Variants in ATRNL1 observed in about 807,000 individuals in gnomAD.
ATRNL1 encodes attractin-like protein 1.
A neutral mutation model predicts 182.7 loss-of-function variants in ATRNL1; 95 were observed. The observed-to-expected ratio is 0.52, with a 90% CI of 0.44 to 0.62. The LOEUF (loss-of-function observed/expected upper bound fraction) is 0.62, where lower values mean the gene tolerates loss of function less well. Ranked by LOEUF, ATRNL1 falls within the 20% of genes least tolerant of loss-of-function variation. ATRNL1 has a pLI of 0.00. For synonymous variants in ATRNL1, 576 were observed against 568.3 expected (o/e 1.01, Z -0.19); for missense variants, 1,471 against 1,679.5 (o/e 0.88, Z 2.17).
chr10:115,199,680 G>T (rs1478330380), intron 8 of ATRNL1, among the ~76,000 whole-genome samples: 1 of 152,150 alleles, frequency 6.6e-6, no homozygotes, highest in Admixed American at 6.6e-5. Context: ...GAATAGCAAC[G>T]GAGTTGTGGA....
chr10:115,559,414 T>TGTGTGTGTGTG (rs1853530217), intron 26 of ATRNL1, among the ~76,000 whole-genome samples: 1 of 147,560 alleles, frequency 6.8e-6, no homozygotes, highest in African/African-American at 2.5e-5. Flanking sequence ...TTCTTGGTGT[T>TGTGTGTGTGTG]TGTGTGTGTG....
chr10:115,434,560 AT>A (rs1197924460), intron 21 of ATRNL1, among the ~76,000 whole-genome samples: 2 of 152,348 alleles, frequency 1.3e-5, no homozygotes, highest in Middle Eastern at 3.4e-3. Context: ...TAAAAACATT[AT>A]GCTGAAGGAA....
At chr10:115,942,300 G>T (rs371363738) in intron 28 of ATRNL1, among the ~76,000 whole-genome samples, 31 of 152,254 alleles carry the variant, frequency 2.0e-4, no homozygotes, top group African/African-American at 7.5e-4. Flanking sequence ...TCTGCTGGCC[G>T]TACTTCCTGT....
intron 26 of ATRNL1, among the ~76,000 whole-genome samples, chr10:115,612,936 C>T (rs1857240737): frequency 6.6e-6 from 1 of 152,154 alleles, no homozygotes; most frequent in African/African-American, 2.4e-5. Context: ...GCTGATCAAC[C>T]ATCTCAAGCA....
chr10:115,131,774 AT>A (rs1554875249), intron 5 of ATRNL1, among the ~76,000 whole-genome samples: 1 of 152,012 alleles, frequency 6.6e-6, no homozygotes. Flanking sequence ...CCTCCATTAT[AT>A]TTTATCCTTT....
intron 26 of ATRNL1, among the ~76,000 whole-genome samples, chr10:115,687,864 G>C (rs7900516): frequency 2.6e-5 from 4 of 151,566 alleles, no homozygotes; most frequent in African/African-American, 9.7e-5. Flanking sequence ...ATATTATTGA[G>C]AAGTATAGTC....
At chr10:115,256,484 T>C (rs1451105155) in intron 10 of ATRNL1, among the ~76,000 whole-genome samples, 1 of 152,196 alleles carries the variant, frequency 6.6e-6, no homozygotes, top group Non-Finnish European at 1.5e-5. Flanking sequence ...TGTGGTGATA[T>C]CCCCTTTATC....
At chr10:115,730,253 C>CAAAAAAAA (rs535690432) in intron 27 of ATRNL1, among the ~76,000 whole-genome samples, 4 of 61,436 alleles carry the variant, frequency 6.5e-5, no homozygotes, top group Non-Finnish European at 8.5e-5. Flanking sequence ...TAGGACTCCT[C>CAAAAAAAA]AAAAAAAAAA....
chr10:115,284,195 C>A (rs180704788), intron 14 of ATRNL1, among the ~76,000 whole-genome samples: 2 of 152,164 alleles, frequency 1.3e-5, no homozygotes, highest in African/African-American at 4.8e-5. Flanking sequence ...ACTACAAAAG[C>A]CTGAAGTATA....
intron 28 of ATRNL1, among the ~76,000 whole-genome samples, chr10:115,919,774 TAGA>T (rs1423771313): frequency 6.6e-6 from 1 of 152,150 alleles, no homozygotes; most frequent in East Asian, 1.9e-4. Context: ...ATCAAGGTGC[TAGA>T]AGATTTGGTG....
At chr10:115,153,654 A>G (rs1293418128) in intron 5 of ATRNL1, among the ~76,000 whole-genome samples, 1 of 151,998 alleles carries the variant, frequency 6.6e-6, no homozygotes, top group Admixed American at 6.6e-5. Context: ...GATTTTTTCA[A>G]AAATCCAGCT....
intron 26 of ATRNL1, among the ~76,000 whole-genome samples, chr10:115,588,206 C>T (rs1855685033): frequency 6.6e-6 from 1 of 152,146 alleles, no homozygotes; most frequent in Non-Finnish European, 1.5e-5. Flanking sequence ...ACTGTCCTCC[C>T]TTCTCATCCC....
At chr10:115,719,123 TC>T (rs1947342653) in intron 26 of ATRNL1, among the ~76,000 whole-genome samples, 1 of 152,214 alleles carries the variant, frequency 6.6e-6, no homozygotes, top group Non-Finnish European at 1.5e-5. Context: ...ACAAAATTTT[TC>T]CTAGAATTTT....
chr10:115,175,528 T>A (rs1847467849), intron 8 of ATRNL1, among the ~76,000 whole-genome samples: 1 of 152,054 alleles, frequency 6.6e-6, no homozygotes, highest in South Asian at 2.1e-4. Context: ...TTGGCTTGAT[T>A]TTTGTCTTAC....
chr10:115,478,959 A>G (rs1848645523), intron 24 of ATRNL1, among the ~76,000 whole-genome samples: 1 of 151,526 alleles, frequency 6.6e-6, no homozygotes, highest in Non-Finnish European at 1.5e-5. Context: ...TCTGTAAAAC[A>G]TTTTTATGTG....
chr10:115,508,485 G>T (rs1346742754), intron 24 of ATRNL1, among the ~76,000 whole-genome samples: 3 of 152,006 alleles, frequency 2.0e-5, no homozygotes, highest in Admixed American at 1.3e-4. Flanking sequence ...TAGGCCTCTT[G>T]TCCGAAGAAT....
chr10:115,280,171 C>T (rs1852292965), intron 13 of ATRNL1, among the ~76,000 whole-genome samples: 1 of 152,138 alleles, frequency 6.6e-6, no homozygotes, highest in Non-Finnish European at 1.5e-5. Flanking sequence ...AACGAAGAAC[C>T]TGATGTGTGA....
rs782785005 is a variant in ATRNL1 at position 115,292,284 on chromosome 10, A to AT, written c.2415+5893dup. Reference sequence around the variant, plus strand: ...AGCAAATGGTTTATCAGTTTTCTTTATTTTTTGAACAAGACCAACATTTTG... The same window carrying AT: ...AGCAAATGGTTTATCAGTTTTCTTTATTTTTTTGAACAAGACCAACATTTTG... On this transcript the variant is annotated intron_variant, in intron 15 of 28. Transcript: ENST00000355044. 1.8e-4 allele frequency among the ~76,000 whole-genome samples: 28 copies of AT among 151,490 alleles called. 1 individual carries two copies. Among genetic ancestry groups the AT allele is most frequent in the Admixed American group, 8.5e-4 (13 of 15,230 alleles).
intron 19 of ATRNL1, among the ~76,000 whole-genome samples, chr10:115,371,440 A>G (rs1388258782): frequency 6.6e-6 from 1 of 152,256 alleles, no homozygotes; most frequent in African/African-American, 2.4e-5. Context: ...GAGCTGCTCA[A>G]GACCATGGGA....
Sources: gnomAD v4.1 joint callset for allele counts (sites outside exome capture counted in the v4.1 genomes callset) on GRCh38, gnomAD v4.1.1 for gene constraint, MANE v1.5 for transcripts, NCBI Gene and HGNC (gene_info 2026-07-23, HGNC 2026-07-21) for gene names.